The following FGF12 variants were observed in gnomAD, a reference collection of about 807,000 sequenced individuals.
FGF12 encodes fibroblast growth factor 12B.
A neutral mutation model predicts 23.6 loss-of-function variants in FGF12; 14 were observed. The ratio of observed to expected loss-of-function variants is 0.59; its 90% CI spans 0.39 to 0.93. FGF12 has a LOEUF of 0.93. FGF12 is among the 40% of genes least tolerant of loss of function. The pLI is 0.00. For missense variants in FGF12, 175 were observed against 217.8 expected (o/e 0.80, Z 1.24); for synonymous variants, 62 against 77.3 (o/e 0.80, Z 1.04).
chr3:192,630,191 G>T (rs1715330621), intron 2 of FGF12, among the ~76,000 whole-genome samples: 1 of 152,026 alleles, frequency 6.6e-6, no homozygotes, highest in African/African-American at 2.4e-5. Context: ...TCCCTCTTTG[G>T]CTTCTGCCAT....
Position 192,143,978 on chromosome 3 carries a change from A to G in FGF12, c.*31T>C. 7.8e-7 allele frequency: 1 copy of G among 1,281,870 alleles called. No individual in the cohort carries two copies. Among genetic ancestry groups the G allele is most frequent in the Non-Finnish European group, 1.1e-6 (1 of 877,296 alleles). The allele number at this position is 1,281,870 out of a possible 1,614,324, so 79.4% of individuals were successfully genotyped here. On this transcript the variant is annotated 3_prime_UTR_variant, in exon 6 of 6. Transcript: ENST00000445105. ...ATGGGAAGGAAGGGAAGGGGAAGGG[A>G]TGAGAGAGGGAAGAAGGGGAGAGTT... is the stretch of plus-strand genomic sequence containing the variant.
chr3:192,513,989 T>G (rs1724573746), intron 2 of FGF12, among the ~76,000 whole-genome samples: 1 of 152,204 alleles, frequency 6.6e-6, no homozygotes, highest in Non-Finnish European at 1.5e-5. Context: ...TTATTTGATA[T>G]TAGTTTGGTG....
At chr3:192,235,094 T>C (rs1427184907) in intron 4 of FGF12, among the ~76,000 whole-genome samples, 2 of 152,158 alleles carry the variant, frequency 1.3e-5, no homozygotes, top group African/African-American at 4.8e-5. Flanking sequence ...CTTTATTTTA[T>C]GGTATAATGT....
At chr3:192,304,924 A>T (rs922554950) in intron 4 of FGF12, among the ~76,000 whole-genome samples, 1 of 152,220 alleles carries the variant, frequency 6.6e-6, no homozygotes, top group Non-Finnish European at 1.5e-5. Flanking sequence ...CACCCAAAGC[A>T]TCTAGCTCAC....
In FGF12 at chr3:192,507,113, T is replaced by C. The variant is rs578229493; in HGVS notation, c.14-146575A>G. On this transcript the variant is annotated intron_variant, in intron 2 of 5. Coordinates refer to ENST00000445105, the MANE Select transcript of FGF12 (RefSeq NM_004113.6). Reference sequence around the variant, plus strand: ...TTCACCGTGTTAGCCAGCATGGTCTTGATCTCCTGACCTCGTGATCTGCCC... The same window carrying C: ...TTCACCGTGTTAGCCAGCATGGTCTCGATCTCCTGACCTCGTGATCTGCCC... Among the ~76,000 whole-genome samples the C allele has an allele frequency of 3.0e-3, 457 of 151,770 alleles. 2 individuals carry two copies. The highest frequency in any genetic ancestry group is 0.01 in the African/African-American group (428 of 41,384).
intron 2 of FGF12, among the ~76,000 whole-genome samples, chr3:192,532,580 A>AAAG: frequency 6.6e-6 from 1 of 152,224 alleles, no homozygotes; most frequent in East Asian, 1.9e-4. Context: ...AGTGCTACTG[A>AAAG]TTTGTGAACA....
At chr3:192,525,601 A>G (rs1724922511) in intron 2 of FGF12, among the ~76,000 whole-genome samples, 1 of 152,216 alleles carries the variant, frequency 6.6e-6, no homozygotes, top group Non-Finnish European at 1.5e-5. Context: ...TGCCAAAATA[A>G]TCACCCCAAA....
intron 4 of FGF12, among the ~76,000 whole-genome samples, chr3:192,172,613 A>C (rs1715630126): frequency 6.6e-6 from 1 of 150,856 alleles, no homozygotes; most frequent in South Asian, 2.1e-4. Flanking sequence ...ATCCACTATA[A>C]AGGCTATAGT....
At chr3:192,358,266 T>A (rs1475854129) in intron 3 of FGF12, among the ~76,000 whole-genome samples, 1 of 152,064 alleles carries the variant, frequency 6.6e-6, no homozygotes, top group Non-Finnish European at 1.5e-5. Flanking sequence ...TATATTGATA[T>A]TTTTAATTAA....
chr3:192,414,157 G>T (rs1302488115), intron 2 of FGF12, among the ~76,000 whole-genome samples: 2 of 152,102 alleles, frequency 1.3e-5, no homozygotes, highest in Non-Finnish European at 2.9e-5. Flanking sequence ...CAATGTTCTG[G>T]AGAATAGGTA....
chr3:192,341,661 G>A (rs746776431), intron 3 of FGF12, among the ~76,000 whole-genome samples: 47 of 152,120 alleles, frequency 3.1e-4, no homozygotes, highest in African/African-American at 1.0e-3. Flanking sequence ...AAATTTAAGT[G>A]GAAGGAGAAG....
chr3:192,541,267 T>C (rs1289419097), intron 2 of FGF12, among the ~76,000 whole-genome samples: 4 of 152,194 alleles, frequency 2.6e-5, no homozygotes, highest in Non-Finnish European at 5.9e-5. Context: ...TTTTAACGTT[T>C]CAAGTTCTTG....
intron 2 of FGF12, among the ~76,000 whole-genome samples, chr3:192,707,329 C>T (rs1718501845): frequency 6.6e-6 from 1 of 152,112 alleles, no homozygotes; most frequent in South Asian, 2.1e-4. Context: ...TCAGAGCTGG[C>T]TTCATGGGAG....
intron 3 of FGF12, among the ~76,000 whole-genome samples, chr3:192,356,748 T>C (rs1354627984): frequency 6.6e-6 from 1 of 152,200 alleles, no homozygotes; most frequent in Non-Finnish European, 1.5e-5. Flanking sequence ...ATGCTCATAG[T>C]AACAAGATTC....
chr3:192,470,085 A>G lies in FGF12; in HGVS notation c.14-109547T>C, dbSNP rs1416204633. Among the ~76,000 whole-genome samples the G allele has an allele frequency of 3.9e-5, 6 of 152,210 alleles. No homozygotes were observed. In the East Asian group the frequency reaches 7.7e-4, roughly 20 times the overall value. On this transcript the variant is annotated intron_variant, in intron 2 of 5. Coordinates refer to ENST00000445105, the MANE Select transcript of FGF12 (RefSeq NM_004113.6). ...GCGCTGGAGAGTGTAACTAATTCCAATGTCCTCTCTGGAGGTAAAAATCAA... is the reference window on the plus strand; with the variant it reads ...GCGCTGGAGAGTGTAACTAATTCCAGTGTCCTCTCTGGAGGTAAAAATCAA...
Position 192,545,008 on chromosome 3 carries a change from A to C in FGF12, c.13+182173T>G, listed in dbSNP as rs1413090015. Reference sequence around the variant, plus strand: ...AGAAGTCAGGTGAGATAGCTTAAGGAGAACTTGAATAATCAGTAAGCTGGT... The same window carrying C: ...AGAAGTCAGGTGAGATAGCTTAAGGCGAACTTGAATAATCAGTAAGCTGGT... On this transcript the variant is annotated intron_variant, in intron 2 of 5. Transcript: ENST00000445105. Among the ~76,000 whole-genome samples, 5 of 152,150 alleles carry C rather than the reference A, an allele frequency of 3.3e-5. No homozygotes were observed. The East Asian group carries it at 7.7e-4, about 24-fold the overall frequency.
intron 4 of FGF12, among the ~76,000 whole-genome samples, chr3:192,247,435 A>G (rs1560033200): frequency 6.6e-6 from 1 of 152,158 alleles, no homozygotes; most frequent in Non-Finnish European, 1.5e-5. Flanking sequence ...GCAATCAGAT[A>G]TGGCTCAATG....
intron 2 of FGF12, among the ~76,000 whole-genome samples, chr3:192,544,162 G>A (rs1338900608): frequency 6.6e-6 from 1 of 152,142 alleles, no homozygotes; most frequent in Non-Finnish European, 1.5e-5. Flanking sequence ...ACAGCACTGA[G>A]TTCCAATGCA....
At chr3:192,323,143 A>G (rs1296428182) in intron 4 of FGF12, among the ~76,000 whole-genome samples, 1 of 152,196 alleles carries the variant, frequency 6.6e-6, no homozygotes, top group Non-Finnish European at 1.5e-5. Flanking sequence ...TAGTACACCT[A>G]TGGAAAACAG....
Sources: allele counts gnomAD v4.1 joint callset (sites outside exome capture counted in the v4.1 genomes callset), GRCh38; gene constraint gnomAD v4.1.1; transcripts MANE v1.5; gene names NCBI Gene and HGNC (gene_info 2026-07-23, HGNC 2026-07-21).